Variants in STXBP5 observed in about 807,000 individuals in gnomAD.
The protein encoded by STXBP5 is syntaxin binding protein 5.
In STXBP5, 50 loss-of-function variants were observed where a neutral mutation model predicts 152.4. That is an observed-to-expected ratio of 0.33 (90% CI 0.26 to 0.42). STXBP5 has a LOEUF of 0.42. Ranked by LOEUF, STXBP5 falls within the 10% of genes least tolerant of loss-of-function variation. The pLI is 1.00. For synonymous variants in STXBP5, 492 were observed against 494.7 expected, an observed-to-expected ratio of 0.99 and a Z score of 0.07; for missense variants, 1,167 against 1,388.6, an observed-to-expected ratio of 0.84 and a Z score of 2.54.
chr6:147,346,770 C>T (rs953414432), intron 21 of STXBP5, among the ~76,000 whole-genome samples: 1 of 151,904 alleles, frequency 6.6e-6, no homozygotes, highest in Middle Eastern at 3.2e-3. Context: ...GCCAGAAGTT[C>T]AACTTTAGGC....
chr6:147,255,756 C>G (rs1779328738), intron 4 of STXBP5, among the ~76,000 whole-genome samples: 1 of 152,158 alleles, frequency 6.6e-6, no homozygotes, highest in Non-Finnish European at 1.5e-5. Flanking sequence ...TCAAGTGATC[C>G]TCCAGCCTTG....
intron 8 of STXBP5, among the ~76,000 whole-genome samples, chr6:147,290,370 G>C (rs1781218239): frequency 6.6e-6 from 1 of 152,204 alleles, no homozygotes; most frequent in Non-Finnish European, 1.5e-5. Context: ...TTAGGGGTGA[G>C]TGTCAGGAAT....
chr6:147,245,069 T>C (rs902667329), intron 4 of STXBP5, among the ~76,000 whole-genome samples: 4 of 147,372 alleles, frequency 2.7e-5, no homozygotes, highest in East Asian at 2.1e-4. Context: ...CTTGGCTCAC[T>C]GCAATCTCTG....
intron 21 of STXBP5, chr6:147,351,841 G>T: frequency 1.0e-6 from 1 of 985,352 alleles, no homozygotes; most frequent in African/African-American, 1.7e-5. Flanking sequence ...AGATGTGGAA[G>T]TCATGTATGA....
At chr6:147,233,480 G>A (rs1005680782) in intron 2 of STXBP5, among the ~76,000 whole-genome samples, 2 of 151,664 alleles carry the variant, frequency 1.3e-5, no homozygotes, top group African/African-American at 4.8e-5. Flanking sequence ...TAATATTACA[G>A]TAAGTATAAT....
intron 18 of STXBP5, chr6:147,328,741 T>C: frequency 2.1e-6 from 1 of 471,150 alleles, no homozygotes; most frequent in Non-Finnish European, 4.4e-6. Context: ...CTTTCTAGCT[T>C]ATATTCTGAA....
At chr6:147,280,376 T>C (rs945804682) in intron 8 of STXBP5, among the ~76,000 whole-genome samples, 2 of 152,184 alleles carry the variant, frequency 1.3e-5, no homozygotes, top group Admixed American at 6.5e-5. Flanking sequence ...TTTTGATTTG[T>C]CCCATATTAG....
chr6:147,219,442 G>C (rs966066898), intron 2 of STXBP5, among the ~76,000 whole-genome samples: 3 of 152,090 alleles, frequency 2.0e-5, no homozygotes, highest in Admixed American at 6.6e-5. Context: ...AAATGAGTTA[G>C]GATATATTTC....
At chr6:147,252,481 G>A (rs1779145400) in intron 4 of STXBP5, among the ~76,000 whole-genome samples, 1 of 151,570 alleles carries the variant, frequency 6.6e-6, no homozygotes, top group Admixed American at 6.6e-5. Context: ...AGGATATCAG[G>A]GATTGAAGAT....
Position 147,207,546 on chromosome 6 carries a change from T to C in STXBP5, c.248+1478T>C, listed in dbSNP as rs181442752. 3.5e-4 allele frequency among the ~76,000 whole-genome samples: 53 copies of C among 152,282 alleles called. 1 individual carries two copies. Among genetic ancestry groups the C allele is most frequent in the African/African-American group, 1.2e-3 (48 of 41,574 alleles). The stretch of plus-strand genomic sequence containing the variant: ...ACTCAGTGATCAAGACCATCTAGTT[T>C]AGGGTTGTGTGAAGACGGGAATGAA... On this transcript the variant is annotated intron_variant, in intron 2 of 27. Transcript: ENST00000321680.
At chr6:147,242,467 T>C (rs1778596849) in intron 4 of STXBP5, among the ~76,000 whole-genome samples, 1 of 152,152 alleles carries the variant, frequency 6.6e-6, no homozygotes, top group African/African-American at 2.4e-5. Context: ...TCCTAGGTCT[T>C]CACAGTCACT....
intron 9 of STXBP5, among the ~76,000 whole-genome samples, chr6:147,303,192 C>T (rs1034655013): frequency 6.6e-5 from 10 of 152,140 alleles, no homozygotes; most frequent in Admixed American, 4.6e-4. Context: ...TCACCCACAT[C>T]TCATCTTGAG....
intron 15 of STXBP5, 57 bp from the exon 16 acceptor site, chr6:147,316,172 G>T: frequency 4.6e-6 from 7 of 1,524,908 alleles, no homozygotes; most frequent in Non-Finnish European, 5.4e-6. Flanking sequence ...TGTATAAATT[G>T]TGATAAAATG....
At chr6:147,324,016 T>C (rs924981039) in intron 16 of STXBP5, among the ~76,000 whole-genome samples, 4 of 152,130 alleles carry the variant, frequency 2.6e-5, no homozygotes, top group Admixed American at 6.5e-5. Context: ...TCCTTGAACA[T>C]GGGTTTTCTG....
At chr6:147,359,615 C>T (rs1784974066) in intron 23 of STXBP5, among the ~76,000 whole-genome samples, 1 of 115,770 alleles carries the variant, frequency 8.6e-6, no homozygotes, top group African/African-American at 3.3e-5. Context: ...CCCCCCTCCC[C>T]CCACCCCACA....
chr6:147,286,572 ATTAT>A (rs1203706065), intron 8 of STXBP5, among the ~76,000 whole-genome samples: 3 of 152,158 alleles, frequency 2.0e-5, no homozygotes, highest in Non-Finnish European at 4.4e-5. Context: ...TAGCTTATTA[ATTAT>A]TAAGAGGAAA....
At chr6:147,348,995 TTC>T (rs1290616886) in intron 21 of STXBP5, among the ~76,000 whole-genome samples, 3 of 152,150 alleles carry the variant, frequency 2.0e-5, no homozygotes, top group Non-Finnish European at 4.4e-5. Flanking sequence ...CTGACCTTTT[TTC>T]TGTTTCTTTA....
intron 17 of STXBP5, 45 bp downstream of exon 17, chr6:147,325,129 CAT>C (rs1783180976): frequency 5.1e-6 from 7 of 1,363,328 alleles, no homozygotes; most frequent in Non-Finnish European, 6.7e-6. Context: ...CATAGTATTC[CAT>C]ATGTCATTTT....
At chr6:147,295,802 C>A (rs1171887554) in intron 9 of STXBP5, among the ~76,000 whole-genome samples, 2 of 152,172 alleles carry the variant, frequency 1.3e-5, no homozygotes, top group African/African-American at 2.4e-5. Context: ...CTGCAATGCT[C>A]CAGAGAATGA....
Sources: allele counts gnomAD v4.1 joint callset (sites outside exome capture counted in the v4.1 genomes callset), GRCh38; gene constraint gnomAD v4.1.1; transcripts MANE v1.5; gene names NCBI Gene and HGNC (gene_info 2026-07-23, HGNC 2026-07-21).